JCAD: variants seen among roughly 807,000 people sequenced by gnomAD.
The protein encoded by JCAD is junctional cadherin 5 associated, also known as junctional cadherin 5-associated protein.
A neutral mutation model predicts 98.0 loss-of-function variants in JCAD; 40 were observed. The ratio of observed to expected loss-of-function variants is 0.41; its 90% CI spans 0.32 to 0.53. The LOEUF (loss-of-function observed/expected upper bound fraction) is 0.53, where lower values mean the gene tolerates loss of function less well. JCAD is among the 20% of genes least tolerant of loss of function. The probability of loss-of-function intolerance (pLI) is 0.31; values close to 1 mark genes in which losing one functional copy is unlikely to be tolerated. For missense variants in JCAD, 1,705 were observed against 1,738.1 expected (o/e 0.98, Z 0.34); for synonymous variants, 691 against 682.3 (o/e 1.01, Z -0.20).
In JCAD at chr10:30,026,724, T is replaced by C; in HGVS notation, c.3424A>G (p.Thr1142Ala). 6.2e-7 allele frequency: 1 copy of C among 1,614,126 alleles called. No individual in the cohort carries two copies. Among genetic ancestry groups the C allele is most frequent in the Non-Finnish European group, 8.5e-7 (1 of 1,180,010 alleles). The change falls in exon 3 of 4, where the codon ACT (threonine) becomes GCT (alanine). Residue 1142 changes from threonine (T) to alanine (A), a missense_variant. Coordinates refer to ENST00000375377, the MANE Select transcript of JCAD (RefSeq NM_020848.4). ...TTCCTCCTGCCATAAAAGGCATCAG[T>C]GGACACCCTGGGGACATCTGCCGGT... ...PAPADVPRVSTDAFYGRRKCG... is the reference protein window; with the variant it reads ...PAPADVPRVSADAFYGRRKCG...
intron 2 of JCAD, among the ~76,000 whole-genome samples, chr10:30,030,067 A>G (rs1836959121): frequency 6.6e-6 from 1 of 152,234 alleles, no homozygotes. Flanking sequence ...AAGGGCCAAG[A>G]AGGGGCAGCA....
chr10:30,084,858 CATCT>C (rs945548988), intron 1 of JCAD, among the ~76,000 whole-genome samples: 3 of 151,806 alleles, frequency 2.0e-5, no homozygotes, highest in South Asian at 4.2e-4. Flanking sequence ...TCCATCCATC[CATCT>C]ATCTATCCAT....
chr10:30,102,230 A>G (rs1189080283), intron 1 of JCAD, among the ~76,000 whole-genome samples: 5 of 152,046 alleles, frequency 3.3e-5, no homozygotes, highest in Non-Finnish European at 5.9e-5. Flanking sequence ...GTGCAGTGGT[A>G]TGATCTTGGC....
chr10:30,049,321 C>G lies in JCAD; in HGVS notation c.-59-1450G>C, dbSNP rs552963704. On this transcript the variant is annotated intron_variant, in intron 1 of 3. Transcript: ENST00000375377. ...ATAGAGCCGCTGCAGCCATGGCGAA[C>G]AATGGCCAGGAAACGCCTGCTGGCC... Among the ~76,000 whole-genome samples the G allele has an allele frequency of 3.9e-4, 59 of 152,300 alleles. No individual in the cohort carries two copies. In the South Asian group the frequency reaches 0.012, roughly 31 times the overall value.
Position 30,026,813 on chromosome 10 carries a change from G to A in JCAD, c.3335C>T (p.Ala1112Val). 1 of 1,614,064 alleles carries A rather than the reference G, an allele frequency of 6.2e-7. No individual in the cohort carries two copies. The highest frequency in any genetic ancestry group is 8.5e-7 in the Non-Finnish European group (1 of 1,180,046). ...GIRRAGQNQPAEPDASACTPE... is the reference protein window; with the variant it reads ...GIRRAGQNQPVEPDASACTPE... Reference sequence around the variant, plus strand: ...GGTGCAGGCACTTGCATCGGGCTCAGCAGGCTGGTTCTGTCCCGCTCTCCG... The same window carrying A: ...GGTGCAGGCACTTGCATCGGGCTCAACAGGCTGGTTCTGTCCCGCTCTCCG... The change falls in exon 3 of 4, where the codon GCT becomes GTT. Residue 1112 changes from alanine (A) to valine (V), a missense_variant. By Grantham distance (64) the Ala-to-Val change is moderately conservative (BLOSUM62 0). Coordinates refer to ENST00000375377, the MANE Select transcript of JCAD (RefSeq NM_020848.4).
At chr10:30,074,752 AAGG>A (rs1837952626) in intron 1 of JCAD, among the ~76,000 whole-genome samples, 1 of 151,922 alleles carries the variant, frequency 6.6e-6, no homozygotes, top group South Asian at 2.1e-4. Flanking sequence ...CTGATATAGG[AAGG>A]AATACCTCCT....
chr10:30,031,283 C>T (rs1319508881), intron 2 of JCAD, among the ~76,000 whole-genome samples: 1 of 151,872 alleles, frequency 6.6e-6, no homozygotes, highest in Non-Finnish European at 1.5e-5. Flanking sequence ...GGCACTCCAT[C>T]ATGTCTTGCT....
At chr10:30,102,100 T>A (rs1796266768) in intron 1 of JCAD, among the ~76,000 whole-genome samples, 1 of 152,240 alleles carries the variant, frequency 6.6e-6, no homozygotes, top group African/African-American at 2.4e-5. Flanking sequence ...GACAGAATCC[T>A]GGTTATGATT....
rs746992034 is a variant in JCAD at position 30,027,545 on chromosome 10, T to C, written c.2603A>G (p.Gln868Arg). The C allele has an allele frequency of 1.3e-5, 21 of 1,613,588 alleles. No homozygotes were observed. Among genetic ancestry groups the C allele is most frequent in the Non-Finnish European group, 1.6e-5 (19 of 1,180,054 alleles). ...SSEESEAEPQQENRAHCRQED... is the reference protein window; with the variant it reads ...SSEESEAEPQRENRAHCRQED... Reference sequence around the variant, plus strand: ...CTGTCTGCAGTGAGCACGGTTCTCCTGCTGCGGCTCCGCCTCACTCTCCTC... The same window carrying C: ...CTGTCTGCAGTGAGCACGGTTCTCCCGCTGCGGCTCCGCCTCACTCTCCTC... The change falls in exon 3 of 4, where the codon CAG becomes CGG. Residue 868 changes from glutamine (Q) to arginine (R), a missense_variant. Coordinates refer to ENST00000375377, the MANE Select transcript of JCAD (RefSeq NM_020848.4).
chr10:30,090,722 A>G (rs1476963977), intron 1 of JCAD, among the ~76,000 whole-genome samples: 2 of 152,190 alleles, frequency 1.3e-5, no homozygotes, highest in Non-Finnish European at 2.9e-5. Flanking sequence ...ACTGTAGGGA[A>G]CGTGGTGCCT....
At chr10:30,102,860 G>A (rs1041190030) in intron 1 of JCAD, among the ~76,000 whole-genome samples, 10 of 152,274 alleles carry the variant, frequency 6.6e-5, no homozygotes, top group Admixed American at 1.3e-4. Flanking sequence ...GCAAAGTCAC[G>A]TCTTACATGG....
At chr10:30,022,389 G>A (rs907388275) in intron 3 of JCAD, among the ~76,000 whole-genome samples, 2 of 146,004 alleles carry the variant, frequency 1.4e-5, no homozygotes, top group African/African-American at 2.5e-5. Context: ...GGGGGCAGCA[G>A]TGCAGTGGGG....
At chr10:30,103,025 T>C (rs1405945835) in intron 1 of JCAD, among the ~76,000 whole-genome samples, 1 of 152,172 alleles carries the variant, frequency 6.6e-6, no homozygotes, top group South Asian at 2.1e-4. Flanking sequence ...ATGGGAACTA[T>C]GGGACCTACA....
At position 30,029,383 on chromosome 10, in the gene JCAD, T is replaced by G; in HGVS notation, c.765A>C (p.Ser255=). Residue 255 remains serine, a synonymous_variant, in exon 3 of 4, where the codon TCA becomes TCC. Transcript: ENST00000375377. ...TGGGAGGATACGGTGGCATTTTAGG[T>G]GAATGTCTTTCATTTAATGGAATGG... ...EIPIPLNERH[S]PKMPPYPPTC... 1 of 1,613,648 alleles carries G rather than the reference T, an allele frequency of 6.2e-7. No individual in the cohort carries two copies. Among genetic ancestry groups the G allele is most frequent in the Non-Finnish European group, 8.5e-7 (1 of 1,179,946 alleles).
intron 1 of JCAD, among the ~76,000 whole-genome samples, chr10:30,071,025 C>T (rs570583836): frequency 6.0e-4 from 92 of 152,288 alleles, no homozygotes; most frequent in African/African-American, 2.1e-3. Context: ...CCTGCTCAGC[C>T]TCCCAAGTAG....
intron 3 of JCAD, 50 bp downstream of exon 3, chr10:30,026,052 TA>T: frequency 6.2e-7 from 1 of 1,608,552 alleles, no homozygotes. Flanking sequence ...TTGTACTGAC[TA>T]AAAACTCCAA....
chr10:30,059,973 C>T (rs1837670775), upstream of JCAD, among the ~76,000 whole-genome samples: 1 of 152,098 alleles, frequency 6.6e-6, no homozygotes, highest in African/African-American at 2.4e-5. This position sits in a 1 kb window ranked among gnomAD's most constrained non-coding sequence, Gnocchi z 5.0. Context: ...GGTGCACACA[C>T]AGTCACAGAC....
intron 1 of JCAD, among the ~76,000 whole-genome samples, chr10:30,086,196 AT>A (rs1838164454): frequency 6.6e-6 from 1 of 152,176 alleles, no homozygotes; most frequent in African/African-American, 2.4e-5. Context: ...TACACTATTG[AT>A]TAACTATCTT....
chr10:30,099,397 A>C (rs1391486070), intron 1 of JCAD, among the ~76,000 whole-genome samples: 2 of 152,120 alleles, frequency 1.3e-5, no homozygotes, highest in East Asian at 1.9e-4. Context: ...CTTTAGAATG[A>C]GTTTCTTATC....
Sources: allele counts gnomAD v4.1 joint callset (sites outside exome capture counted in the v4.1 genomes callset), GRCh38; gene constraint gnomAD v4.1.1; non-coding constraint Gnocchi (gnomAD v3.1); transcripts MANE v1.5; gene names NCBI Gene and HGNC (gene_info 2026-07-23, HGNC 2026-07-21).